TMEM108: variants seen among roughly 807,000 people sequenced by gnomAD.
TMEM108 encodes the protein transmembrane protein 108.
In TMEM108, 12 loss-of-function variants were observed where a neutral mutation model predicts 35.1. The ratio of observed to expected loss-of-function variants is 0.34; its 90% CI spans 0.22 to 0.55. The LOEUF is 0.55. Ranked by LOEUF, TMEM108 falls within the 20% of genes least tolerant of loss-of-function variation. The probability of loss-of-function intolerance (pLI) is 0.89; values close to 1 mark genes in which losing one functional copy is unlikely to be tolerated. For missense variants in TMEM108, 680 were observed against 753.3 expected, an observed-to-expected ratio of 0.90 and a Z score of 1.14; for synonymous variants, 287 against 308.6, an observed-to-expected ratio of 0.93 and a Z score of 0.73.
At chr3:133,182,771 C>T (rs556872866) in intron 2 of TMEM108, among the ~76,000 whole-genome samples, 7 of 152,294 alleles carry the variant, frequency 4.6e-5, no homozygotes, top group African/African-American at 1.7e-4. Flanking sequence ...GTAATAATAG[C>T]ACCCAGGTCA....
chr3:133,387,107 A>G, intron 4 of TMEM108: 2 of 985,524 alleles, frequency 2.0e-6, no homozygotes, highest in Non-Finnish European at 2.4e-6. Flanking sequence ...TGAGCCACCC[A>G]ATAGTCATAT....
intron 2 of TMEM108, among the ~76,000 whole-genome samples, chr3:133,197,678 G>A (rs886718973): frequency 6.9e-6 from 1 of 145,644 alleles, no homozygotes; most frequent in Non-Finnish European, 1.5e-5. Context: ...GCCTGCACCC[G>A]AGGTAGAATA....
chr3:133,065,310 GCA>G (rs1407513940), intron 2 of TMEM108, among the ~76,000 whole-genome samples: 3 of 151,438 alleles, frequency 2.0e-5, no homozygotes, highest in Non-Finnish European at 2.9e-5. Context: ...ACACGCACAT[GCA>G]CACACACATG....
chr3:133,111,901 A>C (rs190740319), intron 2 of TMEM108, among the ~76,000 whole-genome samples: 262 of 152,252 alleles, frequency 1.7e-3, no homozygotes, highest in Non-Finnish European at 2.8e-3. Flanking sequence ...ACTTTCTATA[A>C]AGGAGATCAG....
At chr3:133,132,949 TAGC>T (rs1233425227) in intron 2 of TMEM108, among the ~76,000 whole-genome samples, 1 of 152,142 alleles carries the variant, frequency 6.6e-6, no homozygotes, top group African/African-American at 2.4e-5. Context: ...GTAGTGGAAA[TAGC>T]AGGAAAACTG....
At chr3:133,288,028 A>G (rs567579992) in intron 3 of TMEM108, among the ~76,000 whole-genome samples, 1 of 152,314 alleles carries the variant, frequency 6.6e-6, no homozygotes, top group South Asian at 2.1e-4. Context: ...TTTCAGTTGC[A>G]TTTTAATCAA....
chr3:133,240,757 C>T (rs548273504), intron 3 of TMEM108, among the ~76,000 whole-genome samples: 3 of 152,108 alleles, frequency 2.0e-5, no homozygotes, highest in Non-Finnish European at 4.4e-5. Context: ...CACAGGTGAC[C>T]AGTATATTGT....
intron 3 of TMEM108, among the ~76,000 whole-genome samples, chr3:133,341,963 A>G (rs1169561312): frequency 6.6e-6 from 1 of 151,946 alleles, no homozygotes; most frequent in Non-Finnish European, 1.5e-5. Context: ...CCTCCAGGAC[A>G]TTGAACTGGG....
chr3:133,285,931 G>T (rs1031682997), intron 3 of TMEM108, among the ~76,000 whole-genome samples: 1 of 152,158 alleles, frequency 6.6e-6, no homozygotes, highest in African/African-American at 2.4e-5. Flanking sequence ...ATGTGTTTGA[G>T]GTGGAGGGGG....
intron 3 of TMEM108, among the ~76,000 whole-genome samples, chr3:133,358,575 C>T (rs912781719): frequency 2.6e-5 from 4 of 152,128 alleles, no homozygotes; most frequent in African/African-American, 9.7e-5. Context: ...ATGCCTTCGT[C>T]CAGTGCTCCA....
chr3:133,192,575 G>T (rs1311054402), intron 2 of TMEM108, among the ~76,000 whole-genome samples: 1 of 152,110 alleles, frequency 6.6e-6, no homozygotes, highest in African/African-American at 2.4e-5. Context: ...TCAGGAAAGT[G>T]GAATGCCTAG....
At chr3:133,213,199 G>A (rs546303077) in intron 2 of TMEM108, among the ~76,000 whole-genome samples, 15 of 152,288 alleles carry the variant, frequency 9.8e-5, no homozygotes, top group African/African-American at 3.1e-4. Context: ...ACCAAAAGCA[G>A]CATGTCTGTA....
rs930323959 is a variant in TMEM108 at position 133,385,694 on chromosome 3, A to C, written c.1451-4486A>C. ...TGTCCTCACAGTTAAGCCTGCATAG[A>C]TCATTAGAGAGGAAGCCTAGTATGC... is the stretch of plus-strand genomic sequence containing the variant. On this transcript the variant is annotated intron_variant, in intron 4 of 5. Transcript: ENST00000321871. Among the ~76,000 whole-genome samples, 24 of 152,338 alleles carry C rather than the reference A, an allele frequency of 1.6e-4. No individual in the cohort carries two copies. The East Asian group carries it at 4.1e-3, about 26-fold the overall frequency.
intron 2 of TMEM108, among the ~76,000 whole-genome samples, chr3:133,121,379 A>G (rs1446723332): frequency 6.6e-6 from 1 of 152,230 alleles, no homozygotes; most frequent in African/African-American, 2.4e-5. Flanking sequence ...GTGTTGAATC[A>G]ATATCTAGAA....
At chr3:133,328,832 G>A in intron 3 of TMEM108, among the ~76,000 whole-genome samples, 1 of 152,164 alleles carries the variant, frequency 6.6e-6, no homozygotes, top group Admixed American at 6.5e-5. Flanking sequence ...AATGCTTTCT[G>A]AACCTTCTAT....
chr3:133,186,914 A>G (rs369562266), intron 2 of TMEM108, among the ~76,000 whole-genome samples: 4 of 152,212 alleles, frequency 2.6e-5, no homozygotes, highest in African/African-American at 9.6e-5. Flanking sequence ...GTTTTCTGTC[A>G]TATGAAACAC....
intron 2 of TMEM108, among the ~76,000 whole-genome samples, chr3:133,130,371 A>G (rs1944474741): frequency 6.6e-6 from 1 of 152,222 alleles, no homozygotes; most frequent in South Asian, 2.1e-4. Flanking sequence ...TCGCCTCAGC[A>G]TCAGCTGGGT....
intron 3 of TMEM108, among the ~76,000 whole-genome samples, chr3:133,345,748 A>G (rs2107757185): frequency 6.6e-6 from 1 of 152,094 alleles, no homozygotes; most frequent in Middle Eastern, 3.4e-3. Flanking sequence ...CTGAAAGGCA[A>G]TATTGCTTGA....
chr3:133,181,028 A>AAC (rs1559859790), intron 2 of TMEM108, among the ~76,000 whole-genome samples: 4 of 144,770 alleles, frequency 2.8e-5, no homozygotes, highest in African/African-American at 1.1e-4. Flanking sequence ...AAAAAAAAAA[A>AAC]AAAAAAAAAA....
Sources: gnomAD v4.1 joint callset for allele counts (sites outside exome capture counted in the v4.1 genomes callset) on GRCh38, gnomAD v4.1.1 for gene constraint, MANE v1.5 for transcripts, NCBI Gene and HGNC (gene_info 2026-07-23, HGNC 2026-07-21) for gene names.